Variants in CHD7 observed in about 807,000 individuals in gnomAD.
The protein encoded by CHD7 is ATP-dependent chromatin remodeler CHD7.
A neutral mutation model predicts 307.3 loss-of-function variants in CHD7; 24 were observed. The observed-to-expected ratio is 0.08, with a 90% CI of 0.06 to 0.11. CHD7 has a LOEUF of 0.11. CHD7 is among the 10% of genes least tolerant of loss of function. The pLI is 1.00. For missense variants in CHD7, 3,106 were observed against 3,727.1 expected (o/e 0.83, Z 4.34); for synonymous variants, 1,363 against 1,349.9 (o/e 1.01, Z -0.21).
intron 5 of CHD7, among the ~76,000 whole-genome samples, chr8:60,801,000 G>C (rs1463653514): frequency 6.6e-6 from 1 of 152,202 alleles, no homozygotes; most frequent in Non-Finnish European, 1.5e-5. Context: ...AATATGGGTA[G>C]TGTAGGATTG....
intron 1 of CHD7, among the ~76,000 whole-genome samples, chr8:60,722,003 A>G (rs534485484): frequency 6.6e-6 from 1 of 152,388 alleles, no homozygotes; most frequent in East Asian, 1.9e-4. Context: ...TTGCAAAAAG[A>G]GAAGGACAAA....
At chr8:60,843,456 T>C (rs1403953361) in intron 21 of CHD7, among the ~76,000 whole-genome samples, 1 of 152,218 alleles carries the variant, frequency 6.6e-6, no homozygotes, top group African/African-American at 2.4e-5. Context: ...TGTCTTTCAG[T>C]CGAGCCCTTC....
At chr8:60,839,275 A>G (rs1804868434) in intron 19 of CHD7, among the ~76,000 whole-genome samples, 2 of 151,888 alleles carry the variant, frequency 1.3e-5, no homozygotes. Flanking sequence ...TCAGTAGTTC[A>G]CTCCTTTTTA....
intron 19 of CHD7, among the ~76,000 whole-genome samples, chr8:60,840,682 A>G (rs1804933204): frequency 6.6e-6 from 1 of 151,672 alleles, no homozygotes; most frequent in Non-Finnish European, 1.5e-5. Context: ...TAGTGGCGCA[A>G]TCTCGGCTCA....
intron 21 of CHD7, among the ~76,000 whole-genome samples, chr8:60,842,557 A>G (rs915557442): frequency 1.3e-5 from 2 of 152,182 alleles, no homozygotes; most frequent in Admixed American, 6.5e-5. Flanking sequence ...TCTGAAAGGG[A>G]GGATCCATGT....
intron 25 of CHD7, 99 bp from the exon 26 acceptor site, chr8:60,850,394 G>GAAAAACAA: frequency 6.9e-7 from 1 of 1,440,842 alleles, no homozygotes; most frequent in South Asian, 1.4e-5. Context: ...AACCTTGACT[G>GAAAAACAA]AAAAACAAAC....
intron 15 of CHD7, among the ~76,000 whole-genome samples, chr8:60,834,548 C>T (rs1804661269): frequency 1.3e-5 from 2 of 152,160 alleles, no homozygotes; most frequent in South Asian, 4.1e-4. Flanking sequence ...TGCTAGTGCC[C>T]TTAAACAGCA....
chr8:60,758,177 C>A (rs978655450), intron 2 of CHD7, among the ~76,000 whole-genome samples: 2 of 151,880 alleles, frequency 1.3e-5, no homozygotes, highest in Admixed American at 1.3e-4. Context: ...ACTCTGTCAC[C>A]CAGGCTGGAG....
intron 34 of CHD7, among the ~76,000 whole-genome samples, chr8:60,860,277 C>T (rs544942111): frequency 6.6e-5 from 10 of 152,230 alleles, no homozygotes; most frequent in South Asian, 6.2e-4. Context: ...ACTGAGAGGC[C>T]GCCTTTCATG....
intron 2 of CHD7, among the ~76,000 whole-genome samples, chr8:60,764,278 C>T (rs1810365164): frequency 6.6e-6 from 1 of 152,072 alleles, no homozygotes; most frequent in Non-Finnish European, 1.5e-5. Context: ...TGTGAGCCAC[C>T]GTGCCTGGCC....
In CHD7 at chr8:60,745,319, C is replaced by A. The variant is rs1441100691; in HGVS notation, c.1665+2222C>A. 2.6e-5 allele frequency among the ~76,000 whole-genome samples: 4 copies of A among 152,068 alleles called. No individual in the cohort carries two copies. In the East Asian group the frequency reaches 7.7e-4, roughly 29 times the overall value. On this transcript the variant is annotated intron_variant, in intron 2 of 37. Coordinates refer to ENST00000423902, the MANE Select transcript of CHD7 (RefSeq NM_017780.4). ...AGGGTGAGCACAGTTTGGAAGACAC[C>A]CTGTGATTATAATCTGATCCCTGGA...
intron 5 of CHD7, 58 bp downstream of exon 5, chr8:60,800,583 A>C: frequency 2.0e-6 from 3 of 1,522,426 alleles, no homozygotes; most frequent in Non-Finnish European, 1.8e-6. Context: ...TAGAAATTTC[A>C]TTGCTGCAAT....
At chr8:60,683,112 T>C (rs4738813) in intron 1 of CHD7, among the ~76,000 whole-genome samples, 75,251 of 152,198 alleles carry the variant, frequency 0.49, 22,843 homozygotes, top group East Asian at 0.75. Flanking sequence ...TTCATGCGAT[T>C]GGAAATTCAG....
At chr8:60,840,870 G>A (rs979042359) in intron 19 of CHD7, among the ~76,000 whole-genome samples, 5 of 151,464 alleles carry the variant, frequency 3.3e-5, no homozygotes, top group African/African-American at 7.3e-5. Flanking sequence ...TACCCACCTC[G>A]GCCTCCCAAA....
intron 1 of CHD7, among the ~76,000 whole-genome samples, chr8:60,734,527 G>A (rs769875911): frequency 4.6e-5 from 7 of 152,136 alleles, no homozygotes; most frequent in Non-Finnish European, 8.8e-5. Context: ...AGGGTTGAGG[G>A]TCAGGAAGCT....
chr8:60,810,464 A>G (rs1459236795), intron 7 of CHD7, among the ~76,000 whole-genome samples: 2 of 151,312 alleles, frequency 1.3e-5, no homozygotes, highest in East Asian at 1.9e-4. Context: ...ATATTTACCT[A>G]CCTCTCCAAC....
intron 2 of CHD7, among the ~76,000 whole-genome samples, chr8:60,771,722 A>G (rs1460923751): frequency 6.6e-6 from 1 of 152,164 alleles, no homozygotes; most frequent in Admixed American, 6.5e-5. Context: ...CAGGTTGTCC[A>G]CAGAATTCAT....
At chr8:60,774,741 C>A (rs184067571) in intron 2 of CHD7, among the ~76,000 whole-genome samples, 11 of 152,300 alleles carry the variant, frequency 7.2e-5, no homozygotes, top group Non-Finnish European at 1.3e-4. Context: ...CCTCCACTTG[C>A]GGGGAGCTTT....
At chr8:60,783,626 T>A (rs1384936725) in intron 3 of CHD7, among the ~76,000 whole-genome samples, 2 of 152,196 alleles carry the variant, frequency 1.3e-5, no homozygotes, top group African/African-American at 4.8e-5. Context: ...TGATTAATAG[T>A]CTCAGTCAAT....
Sources: allele counts gnomAD v4.1 joint callset (sites outside exome capture counted in the v4.1 genomes callset), GRCh38; gene constraint gnomAD v4.1.1; transcripts MANE v1.5; gene names NCBI Gene and HGNC (gene_info 2026-07-23, HGNC 2026-07-21).